The following PPP2R5E variants were observed in gnomAD, a reference collection of about 807,000 sequenced individuals.
The protein encoded by PPP2R5E is serine/threonine-protein phosphatase 2A 56 kDa regulatory subunit epsilon isoform.
A neutral mutation model predicts 65.3 loss-of-function variants in PPP2R5E; 4 were observed. The ratio of observed to expected loss-of-function variants is 0.06; its 90% CI spans 0.03 to 0.14. The LOEUF is 0.14. Ranked by LOEUF, PPP2R5E falls within the 10% of genes least tolerant of loss-of-function variation. PPP2R5E has a pLI of 1.00. For synonymous variants in PPP2R5E, 183 were observed against 187.4 expected (o/e 0.98, Z 0.19); for missense variants, 274 against 556.1 (o/e 0.49, Z 5.10).
chr14:63,453,827 G>A lies in PPP2R5E; in HGVS notation c.216C>T (p.Val72=), dbSNP rs1888983369. 1 of 1,599,098 alleles carries A rather than the reference G, an allele frequency of 6.3e-7. No individual in the cohort carries two copies. Among genetic ancestry groups the A allele is most frequent in the Non-Finnish European group, 8.5e-7 (1 of 1,173,884 alleles). The change falls in exon 3 of 14, where the codon GTC becomes GTT. Residue 72 remains valine, a synonymous_variant. Coordinates refer to ENST00000337537, the MANE Select transcript of PPP2R5E (RefSeq NM_006246.5). ...ATAGCGTGTCCATGAAGTCAAAAATGACACAGCACTGCTGAAGTTTCTTTA... is the reference window on the plus strand; with the variant it reads ...ATAGCGTGTCCATGAAGTCAAAAATAACACAGCACTGCTGAAGTTTCTTTA... ...LFLKKLQQCC[V]IFDFMDTLSD... is the part of the protein sequence containing the mutation.
intron 2 of PPP2R5E, among the ~76,000 whole-genome samples, chr14:63,456,348 G>C (rs1889129316): frequency 6.6e-6 from 1 of 152,138 alleles, no homozygotes; most frequent in South Asian, 2.1e-4. Context: ...AAAAAATTTA[G>C]GCAGTTAACA....
chr14:63,425,031 G>A (rs1887256418), intron 3 of PPP2R5E, among the ~76,000 whole-genome samples: 1 of 152,196 alleles, frequency 6.6e-6, no homozygotes, highest in Non-Finnish European at 1.5e-5. Flanking sequence ...GGAAATAGAA[G>A]CATGGGTGTT....
intron 2 of PPP2R5E, among the ~76,000 whole-genome samples, chr14:63,499,936 T>G (rs1019644083): frequency 5.3e-5 from 8 of 152,198 alleles, no homozygotes; most frequent in Non-Finnish European, 1.2e-4. Context: ...GTTTTTTGTC[T>G]GGTATTTCAC....
chr14:63,482,033 A>G lies in PPP2R5E; in HGVS notation c.158-28148T>C, dbSNP rs1037787527. ...GCAACAGTTTAATTATTAAATGTCA[A>G]CATTTTAAAATATCCTAGAAATTAC... On this transcript the variant is annotated intron_variant, in intron 2 of 13. Coordinates refer to ENST00000337537, the MANE Select transcript of PPP2R5E (RefSeq NM_006246.5). 3.9e-5 allele frequency among the ~76,000 whole-genome samples: 6 copies of G among 152,260 alleles called. 1 individual carries two copies. Among genetic ancestry groups the G allele is most frequent in the Admixed American group, 3.3e-4 (5 of 15,286 alleles).
At chr14:63,492,347 A>C (rs1330518166) in intron 2 of PPP2R5E, among the ~76,000 whole-genome samples, 2 of 152,112 alleles carry the variant, frequency 1.3e-5, no homozygotes, top group Non-Finnish European at 1.5e-5. Flanking sequence ...TTCCCAGTTA[A>C]GGACTCAAAA....
At chr14:63,413,886 C>T (rs1380135062) in intron 5 of PPP2R5E, among the ~76,000 whole-genome samples, 2 of 152,208 alleles carry the variant, frequency 1.3e-5, no homozygotes, top group Non-Finnish European at 2.9e-5. Context: ...TACCAAAGTA[C>T]TCTAAATGTG....
chr14:63,481,507 A>C (rs182276593), intron 2 of PPP2R5E, among the ~76,000 whole-genome samples: 24,045 of 150,912 alleles, frequency 0.16, 2,016 homozygotes, highest in East Asian at 0.21. Context: ...AAAAAAAAAA[A>C]AAAAAAAAAA....
chr14:63,494,547 A>T (rs1289918387), intron 2 of PPP2R5E, among the ~76,000 whole-genome samples: 1 of 91,756 alleles, frequency 1.1e-5, no homozygotes, highest in African/African-American at 6.5e-5. Flanking sequence ...ACAGCCATTT[A>T]AAAAAAAAAA....
At chr14:63,395,357 A>G in intron 6 of PPP2R5E, 72 bp from the exon 7 acceptor site, 1 of 819,642 alleles carries the variant, frequency 1.2e-6, no homozygotes, top group Non-Finnish European at 1.8e-6. Context: ...AAAGAGGAGG[A>G]GGAGGAGGAG....
intron 2 of PPP2R5E, among the ~76,000 whole-genome samples, chr14:63,459,327 C>A (rs1889327046): frequency 6.6e-6 from 1 of 152,104 alleles, no homozygotes; most frequent in Admixed American, 6.5e-5. Flanking sequence ...TTTCAAGAAA[C>A]CTAGAAATAA....
chr14:63,528,612 A>G (rs1266013542), intron 2 of PPP2R5E, among the ~76,000 whole-genome samples: 3 of 152,220 alleles, frequency 2.0e-5, no homozygotes, highest in African/African-American at 7.2e-5. Flanking sequence ...TTTAAAATAA[A>G]AAGTTTTCAT....
chr14:63,536,745 T>C (rs190942247), intron 2 of PPP2R5E, among the ~76,000 whole-genome samples: 2 of 152,322 alleles, frequency 1.3e-5, no homozygotes, highest in East Asian at 1.9e-4. Context: ...CTGAAGACAC[T>C]TGACTAAGTG....
At chr14:63,429,831 C>T (rs1458159999) in intron 3 of PPP2R5E, among the ~76,000 whole-genome samples, 1 of 151,998 alleles carries the variant, frequency 6.6e-6, no homozygotes, top group Non-Finnish European at 1.5e-5. Context: ...TAGAGGTACC[C>T]GCCACCACGT....
chr14:63,526,175 G>A (rs150551396), intron 2 of PPP2R5E, among the ~76,000 whole-genome samples: 3 of 151,992 alleles, frequency 2.0e-5, no homozygotes, highest in East Asian at 3.9e-4. Flanking sequence ...CATGTCCTTC[G>A]CTGGTTCAAA....
In PPP2R5E at chr14:63,389,739, T is replaced by G. The variant is rs1339135399; in HGVS notation, c.955-8A>C. 9 of 1,587,720 alleles carry G rather than the reference T, an allele frequency of 5.7e-6. No homozygotes were observed. Among genetic ancestry groups the G allele is most frequent in the Non-Finnish European group, 7.7e-6 (9 of 1,169,072 alleles). On this transcript the variant is annotated splice_region_variant and splice_polypyrimidine_tract_variant and intron_variant, in intron 10 of 13. Coordinates refer to ENST00000337537, the MANE Select transcript of PPP2R5E (RefSeq NM_006246.5). ...TTCCCCAAGGAACATGACCTGTAAGTACAAGCAAAATACAAGATGTGAGGC... is the reference window on the plus strand; with the variant it reads ...TTCCCCAAGGAACATGACCTGTAAGGACAAGCAAAATACAAGATGTGAGGC...
At chr14:63,499,204 C>T (rs903658003) in intron 2 of PPP2R5E, among the ~76,000 whole-genome samples, 5 of 152,140 alleles carry the variant, frequency 3.3e-5, no homozygotes, top group Non-Finnish European at 7.3e-5. Context: ...ACCAGAGTAT[C>T]TGTAACTAAA....
chr14:63,444,203 G>T (rs1002917615), intron 3 of PPP2R5E, among the ~76,000 whole-genome samples: 2 of 152,188 alleles, frequency 1.3e-5, no homozygotes, highest in Non-Finnish European at 2.9e-5. Flanking sequence ...TAGCATGACT[G>T]TGTTTCCCTG....
chr14:63,473,416 A>T (rs1890229884), intron 2 of PPP2R5E, among the ~76,000 whole-genome samples: 1 of 152,240 alleles, frequency 6.6e-6, no homozygotes, highest in South Asian at 2.1e-4. Flanking sequence ...AGCTAGAGAC[A>T]AGCTAAAGAA....
intron 3 of PPP2R5E, among the ~76,000 whole-genome samples, chr14:63,450,822 T>G (rs1888783677): frequency 6.6e-6 from 1 of 150,398 alleles, no homozygotes; most frequent in Non-Finnish European, 1.5e-5. Context: ...AATGGTGAGT[T>G]GCCAAGAAGC....
Sources: allele counts gnomAD v4.1 joint callset (sites outside exome capture counted in the v4.1 genomes callset), GRCh38; gene constraint gnomAD v4.1.1; transcripts MANE v1.5; gene names NCBI Gene and HGNC (gene_info 2026-07-23, HGNC 2026-07-21).